Variants in RBFOX1 observed in about 807,000 individuals in gnomAD.
RBFOX1 encodes the protein RNA binding protein fox-1 homolog 1.
A neutral mutation model predicts 57.7 loss-of-function variants in RBFOX1; 8 were observed. That is an observed-to-expected ratio of 0.14 (90% CI 0.08 to 0.25). The LOEUF (loss-of-function observed/expected upper bound fraction) is 0.25, where lower values mean the gene tolerates loss of function less well. Ranked by LOEUF, RBFOX1 falls within the 10% of genes least tolerant of loss-of-function variation. The pLI is 1.00. For synonymous variants in RBFOX1, 326 were observed against 222.4 expected (o/e 1.47, Z -4.15); for missense variants, 611 against 548.5 (o/e 1.11, Z -1.14).
intron 4 of RBFOX1, among the ~76,000 whole-genome samples, chr16:7,223,712 GAAAAAAA>G (rs71147673): frequency 2.8e-4 from 37 of 130,480 alleles, no homozygotes; most frequent in African/African-American, 6.5e-4. Flanking sequence ...CAGTGTTTCA[GAAAAAAA>G]AAAAAAAAAA....
At chr16:6,679,583 C>G (rs1231048277) in intron 3 of RBFOX1, among the ~76,000 whole-genome samples, 1 of 152,118 alleles carries the variant, frequency 6.6e-6, no homozygotes, top group Non-Finnish European at 1.5e-5. Flanking sequence ...GCCTCATTAT[C>G]TTTTTATGCT....
Position 6,998,615 on chromosome 16 carries a change from T to C in RBFOX1, c.-15-53442T>C, listed in dbSNP as rs375275037. Reference sequence around the variant, plus strand: ...TATCATTGTGATCGATGACTTTTGTTGCTTTTTGGTGTCTCCAAATTGCAA... The same window carrying C: ...TATCATTGTGATCGATGACTTTTGTCGCTTTTTGGTGTCTCCAAATTGCAA... On this transcript the variant is annotated intron_variant, in intron 3 of 15. Coordinates refer to ENST00000550418, the MANE Select transcript of RBFOX1 (RefSeq NM_018723.4). 2.6e-5 allele frequency among the ~76,000 whole-genome samples: 4 copies of C among 152,324 alleles called. No individual in the cohort carries two copies. The South Asian group carries it at 8.3e-4, about 32-fold the overall frequency.
At chr16:7,580,275 C>G (rs1245110273) in intron 6 of RBFOX1, among the ~76,000 whole-genome samples, 2 of 152,098 alleles carry the variant, frequency 1.3e-5, no homozygotes, top group Non-Finnish European at 2.9e-5. Context: ...CACATCGAGT[C>G]CTCTTGGTTT....
intron 1 of RBFOX1, among the ~76,000 whole-genome samples, chr16:6,142,371 G>C (rs1024415079): frequency 2.6e-5 from 4 of 151,464 alleles, no homozygotes; most frequent in African/African-American, 9.7e-5. Flanking sequence ...ACAGGCGCCC[G>C]CCTCCGCACG....
intron 4 of RBFOX1, among the ~76,000 whole-genome samples, chr16:7,352,682 C>G (rs1042198997): frequency 2.0e-5 from 3 of 152,108 alleles, no homozygotes; most frequent in Non-Finnish European, 2.9e-5. Flanking sequence ...TGTCCTGGAT[C>G]TGCCCCTCAA....
intron 3 of RBFOX1, among the ~76,000 whole-genome samples, chr16:5,769,784 C>T (rs982777391): frequency 6.6e-6 from 1 of 152,186 alleles, no homozygotes; most frequent in African/African-American, 2.4e-5. Context: ...GAGGAGGAAT[C>T]AAACCTGTCA....
At chr16:7,284,147 G>C (rs1165348499) in intron 4 of RBFOX1, among the ~76,000 whole-genome samples, 1 of 152,152 alleles carries the variant, frequency 6.6e-6, no homozygotes, top group African/African-American at 2.4e-5. Flanking sequence ...AGCATTCTGT[G>C]GTACAGATGC....
At chr16:6,200,332 A>C (rs971243033) in intron 1 of RBFOX1, among the ~76,000 whole-genome samples, 1 of 152,096 alleles carries the variant, frequency 6.6e-6, no homozygotes, top group African/African-American at 2.4e-5. Flanking sequence ...GTATGCCCCG[A>C]AAGAGAGCAG....
chr16:7,636,620 G>T (rs760514788), intron 11 of RBFOX1, among the ~76,000 whole-genome samples: 43 of 152,320 alleles, frequency 2.8e-4, no homozygotes, highest in Non-Finnish European at 5.7e-4. Flanking sequence ...CCTGTCAAGA[G>T]CAAGTTTTGT....
intron 3 of RBFOX1, among the ~76,000 whole-genome samples, chr16:5,663,444 A>G (rs1030009450): frequency 1.1e-4 from 17 of 151,282 alleles, no homozygotes; most frequent in Admixed American, 2.0e-4. Flanking sequence ...GCCTCAAGCT[A>G]TCCTCCCACT....
intron 11 of RBFOX1, among the ~76,000 whole-genome samples, chr16:7,647,521 G>A (rs773750590): frequency 6.7e-6 from 1 of 149,336 alleles, no homozygotes; most frequent in Non-Finnish European, 1.5e-5. Flanking sequence ...CTGCTTACAT[G>A]TGAGTTAACT....
chr16:5,818,420 A>G (rs1472023495), intron 3 of RBFOX1, among the ~76,000 whole-genome samples: 1 of 151,950 alleles, frequency 6.6e-6, no homozygotes, highest in African/African-American at 2.4e-5. Context: ...GGTCGTGGAG[A>G]GGTCTATAAG....
chr16:7,193,916 T>C (rs1027126506), intron 4 of RBFOX1, among the ~76,000 whole-genome samples: 2 of 152,100 alleles, frequency 1.3e-5, no homozygotes, highest in Non-Finnish European at 2.9e-5. Context: ...GATATTCTAG[T>C]AGCAGTTGAA....
chr16:6,333,804 C>T (rs574338072), intron 2 of RBFOX1, among the ~76,000 whole-genome samples: 6 of 152,116 alleles, frequency 3.9e-5, no homozygotes, highest in Admixed American at 6.6e-5. Flanking sequence ...TACTTGTCAT[C>T]TGTCAGATTT....
At chr16:7,149,353 A>G (rs561553828) in intron 4 of RBFOX1, among the ~76,000 whole-genome samples, 16 of 152,200 alleles carry the variant, frequency 1.1e-4, no homozygotes, top group African/African-American at 3.1e-4. Flanking sequence ...TTATCTCTCA[A>G]TAATCATAAA....
chr16:5,424,964 C>CTCTT lies in RBFOX1; in HGVS notation c.220-42238_220-42235dup, dbSNP rs1317746840. Among the ~76,000 whole-genome samples, 27 of 46,286 alleles carry CTCTT rather than the reference C, an allele frequency of 5.8e-4. 4 individuals carry two copies. The highest frequency in any genetic ancestry group is 1.7e-3 in the African/African-American group (17 of 10,130). The allele number at this position is 46,286 out of a possible 152,430, so 30.4% of individuals were successfully genotyped here. On this transcript the variant is annotated intron_variant, in intron 1 of 2. Transcript: ENST00000585867. ...CTCTTCTTTCTTCCTTTGTTTCTTT[C>CTCTT]TCTTTCTTTCTTTCTTTTCTTTTCT... is the stretch of plus-strand genomic sequence containing the variant.
chr16:5,576,542 A>T lies in RBFOX1; in HGVS notation c.259-22360A>T, dbSNP rs73517587. Among the ~76,000 whole-genome samples, 505 of 152,304 alleles carry T rather than the reference A, an allele frequency of 3.3e-3. 4 individuals carry two copies. The highest frequency in any genetic ancestry group is 0.011 in the African/African-American group (472 of 41,574). ...AGTGATAATTTCCCAGATGAATCCT[A>T]TAAAGATGTGTATCCTGCCCCTTTC... On this transcript the variant is annotated intron_variant, in intron 2 of 2. Transcript: ENST00000585867.
intron 14 of RBFOX1, among the ~76,000 whole-genome samples, chr16:7,707,146 C>G (rs559304571): frequency 3.9e-5 from 6 of 152,310 alleles, no homozygotes; most frequent in African/African-American, 1.4e-4. Context: ...CTGAAAGCCT[C>G]ATCTAGATTA....
intron 3 of RBFOX1, among the ~76,000 whole-genome samples, chr16:6,758,780 G>C (rs180969552): frequency 1.3e-5 from 2 of 152,194 alleles, no homozygotes; most frequent in African/African-American, 4.8e-5. Context: ...TGCATCATGG[G>C]GTTGAGAGGG....
Sources: allele counts gnomAD v4.1 joint callset (sites outside exome capture counted in the v4.1 genomes callset), GRCh38; gene constraint gnomAD v4.1.1; transcripts MANE v1.5; gene names NCBI Gene and HGNC (gene_info 2026-07-23, HGNC 2026-07-21).